The following STK31 variants were observed in gnomAD, a reference collection of about 807,000 sequenced individuals.
STK31 encodes the protein serine/threonine-protein kinase 31.
In STK31, 89 loss-of-function variants were observed where a neutral mutation model predicts 129.7. The ratio of observed to expected loss-of-function variants is 0.69; its 90% CI spans 0.58 to 0.82. STK31 has a LOEUF of 0.82. Among genes scored for constraint, STK31 ranks in the 40% least tolerant of loss-of-function variants. STK31 has a pLI of 0.00. For missense variants in STK31, 1,187 were observed against 1,176.4 expected, an observed-to-expected ratio of 1.01 and a Z score of -0.13; for synonymous variants, 448 against 395.3, an observed-to-expected ratio of 1.13 and a Z score of -1.58.
In STK31 at chr7:23,783,588, G is replaced by A. The variant is rs754286576; in HGVS notation, c.2073G>A (p.Met691Ile). ...EIYHEREEYEMLTSLAQKWFP... is the reference protein window; with the variant it reads ...EIYHEREEYEILTSLAQKWFP... ...CTTTTTTTTTTTAACTTTAGGAGAT[G>A]CTAACTAGTTTGGCACAGAAATGGT... The change falls in exon 17 of 24, where the codon ATG becomes ATA. Residue 691 changes from methionine to isoleucine, a missense_variant. Met to Ile is a conservative substitution (Grantham distance 10). This residue lies in a region of STK31 where 975 missense variants were observed against 934.9 expected (regional missense o/e 1.04). Coordinates refer to ENST00000355870, the MANE Select transcript of STK31 (RefSeq NM_031414.5). The A allele has an allele frequency of 1.0e-5, 16 of 1,606,846 alleles. No homozygotes were observed. Among genetic ancestry groups the A allele is most frequent in the East Asian group, 4.5e-5 (2 of 44,782 alleles).
intron 15 of STK31, among the ~76,000 whole-genome samples, chr7:23,777,450 T>C (rs763475513): frequency 6.6e-6 from 1 of 152,154 alleles, no homozygotes; most frequent in Non-Finnish European, 1.5e-5. Context: ...CCACTATTAT[T>C]GTGTGGGAGT....
intron 4 of STK31, among the ~76,000 whole-genome samples, chr7:23,724,867 T>C (rs1786959061): frequency 6.6e-6 from 1 of 152,236 alleles, no homozygotes; most frequent in Non-Finnish European, 1.5e-5. Context: ...TGAATTTATG[T>C]GTTCTTTATT....
In STK31 at chr7:23,750,984, C is replaced by T. The variant is rs570345020; in HGVS notation, c.1018-1733C>T. Reference sequence around the variant, plus strand: ...AGAACTTATCCCTTCTATCTAACTGCGTGTTTGTACTTATTAACCAAACTT... The same window carrying T: ...AGAACTTATCCCTTCTATCTAACTGTGTGTTTGTACTTATTAACCAAACTT... On this transcript the variant is annotated intron_variant, in intron 8 of 23. Transcript: ENST00000355870. Among the ~76,000 whole-genome samples, 9 of 152,306 alleles carry T rather than the reference C, an allele frequency of 5.9e-5. 1 individual carries two copies. In the South Asian group the frequency reaches 6.2e-4, roughly 11 times the overall value.
At chr7:23,810,845 TA>T (rs1312888102) in intron 22 of STK31, among the ~76,000 whole-genome samples, 14 of 141,096 alleles carry the variant, frequency 9.9e-5, no homozygotes, top group African/African-American at 3.4e-4. Context: ...TATTTGTATA[TA>T]AATATGTATA....
intron 22 of STK31, among the ~76,000 whole-genome samples, chr7:23,814,275 A>G (rs549622255): frequency 2.7e-5 from 4 of 147,642 alleles, no homozygotes; most frequent in African/African-American, 1.0e-4. Context: ...CTTTGGTTAT[A>G]TTTTATGGTA....
chr7:23,748,768 T>G (rs963326506), intron 8 of STK31, among the ~76,000 whole-genome samples: 29 of 152,378 alleles, frequency 1.9e-4, no homozygotes, highest in African/African-American at 6.7e-4. Context: ...ACATATAACA[T>G]ACAGAATACT....
intron 22 of STK31, among the ~76,000 whole-genome samples, chr7:23,810,864 A>AT (rs1184609546): frequency 4.3e-5 from 6 of 140,304 alleles, no homozygotes; most frequent in Non-Finnish European, 6.1e-5. Flanking sequence ...ATAAATATAT[A>AT]TTATATATAA....
chr7:23,801,408 G>C (rs548741300), intron 22 of STK31, among the ~76,000 whole-genome samples: 1 of 152,102 alleles, frequency 6.6e-6, no homozygotes, highest in East Asian at 1.9e-4. Flanking sequence ...TATTGCTGTA[G>C]AGTTTTGGGC....
chr7:23,726,429 C>CAAAAAAAAAAAAA (rs70956913), intron 4 of STK31: 2 of 79,134 alleles, frequency 2.5e-5, no homozygotes, highest in African/African-American at 6.1e-5. Flanking sequence ...CTTGCCTCTA[C>CAAAAAAAAAAAAA]AAAAAAAAAA....
rs766650064 is a variant in STK31 at position 23,735,792 on chromosome 7, A to T, written c.738A>T (p.Arg246Ser). The change falls in exon 7 of 24, where the codon AGA becomes AGT. Residue 246 changes from arginine to serine, a missense_variant. By Grantham distance (110) the Arg-to-Ser change is moderately radical. Coordinates refer to ENST00000355870, the MANE Select transcript of STK31 (RefSeq NM_031414.5). Reference sequence around the variant, plus strand: ...GCCCCATTCCTTTGTGGGGGCATAGATCAAACCAGTCAACCTTCAGCAGGC... The same window carrying T: ...GCCCCATTCCTTTGTGGGGGCATAGTTCAAACCAGTCAACCTTCAGCAGGC... ...LKSPIPLWGHRSNQSTFSRPK... is the reference protein window; with the variant it reads ...LKSPIPLWGHSSNQSTFSRPK... The T allele has an allele frequency of 3.1e-6, 5 of 1,614,208 alleles. No homozygotes were observed. In the East Asian group the frequency reaches 1.1e-4, roughly 36 times the overall value.
At chr7:23,754,217 A>G in intron 9 of STK31, 98 bp from the exon 10 acceptor site, 1 of 1,279,904 alleles carries the variant, frequency 7.8e-7, no homozygotes, top group Non-Finnish European at 1.1e-6. Flanking sequence ...CAGTGCTGTA[A>G]ACACTAACTT....
intron 22 of STK31, among the ~76,000 whole-genome samples, chr7:23,796,888 A>G (rs939663853): frequency 6.6e-6 from 1 of 152,210 alleles, no homozygotes; most frequent in Non-Finnish European, 1.5e-5. Context: ...AAAGACACAC[A>G]TAGGCTCAAA....
At chr7:23,806,638 C>T (rs999120809) in intron 22 of STK31, among the ~76,000 whole-genome samples, 12 of 152,130 alleles carry the variant, frequency 7.9e-5, no homozygotes, top group Admixed American at 3.3e-4. Context: ...CGGTGGCTCA[C>T]GCCAGTAATC....
chr7:23,797,500 C>T (rs935459716), intron 22 of STK31, among the ~76,000 whole-genome samples: 5 of 152,114 alleles, frequency 3.3e-5, no homozygotes, highest in African/African-American at 1.2e-4. Context: ...ACAACCTGCT[C>T]CTGAATGACT....
intron 22 of STK31, among the ~76,000 whole-genome samples, chr7:23,805,510 A>C (rs1408523618): frequency 6.6e-6 from 1 of 151,832 alleles, no homozygotes; most frequent in Non-Finnish European, 1.5e-5. Context: ...TTGGAGATGG[A>C]GTTTTGCTCT....
At chr7:23,765,904 C>T (rs1456950277) in intron 11 of STK31, among the ~76,000 whole-genome samples, 1 of 152,146 alleles carries the variant, frequency 6.6e-6, no homozygotes, top group Admixed American at 6.5e-5. Context: ...CTCTCTTTCT[C>T]TACCTCCTTC....
rs200359972 is a variant in STK31, at chr7:23,781,396, A to C, written c.1966-23A>C. The C allele has an allele frequency of 2.2e-5, 34 of 1,562,392 alleles. No individual in the cohort carries two copies. In the African/African-American group the frequency reaches 4.2e-4, roughly 20 times the overall value. ...CTTGTTTTCTCTATGTTAATAAAAA[A>C]CACTTTTTCTTTCTGATTCAAGTCA... On this transcript the variant is annotated intron_variant, in intron 15 of 23. Transcript: ENST00000355870.
rs559438171 is a variant in STK31 at position 23,826,380 on chromosome 7, G to C, written c.2830-5756G>C. On this transcript the variant is annotated intron_variant, in intron 23 of 23. Transcript: ENST00000355870. ...GCCTTCTTTGTCTCTTTTGATCTTTGTTGGTTTAAAGTCTGTTTTATCTGA... is the reference window on the plus strand; with the variant it reads ...GCCTTCTTTGTCTCTTTTGATCTTTCTTGGTTTAAAGTCTGTTTTATCTGA... Among the ~76,000 whole-genome samples, 4 of 152,094 alleles carry C rather than the reference G, an allele frequency of 2.6e-5. No homozygotes were observed. In the East Asian group the frequency reaches 7.7e-4, roughly 29 times the overall value.
chr7:23,710,872 C>T, intron 1 of STK31: 2 of 854,462 alleles, frequency 2.3e-6, no homozygotes, highest in Non-Finnish European at 2.8e-6. Context: ...TGAATTTAAG[C>T]CTTAATGCTT....
Sources: allele counts gnomAD v4.1 joint callset (sites outside exome capture counted in the v4.1 genomes callset), GRCh38; gene constraint gnomAD v4.1.1; regional missense constraint gnomAD v4.1.1; transcripts MANE v1.5; gene names NCBI Gene and HGNC (gene_info 2026-07-23, HGNC 2026-07-21).